The following ROR1 variants were observed in gnomAD, a reference collection of about 807,000 sequenced individuals.
ROR1 encodes the protein inactive tyrosine-protein kinase transmembrane receptor ROR1.
A neutral mutation model predicts 78.8 loss-of-function variants in ROR1; 19 were observed. The observed-to-expected ratio is 0.24, with a 90% CI of 0.17 to 0.35. The LOEUF (loss-of-function observed/expected upper bound fraction) is 0.35. Ranked by LOEUF, ROR1 falls within the 10% of genes least tolerant of loss-of-function variation. The probability of loss-of-function intolerance (pLI) is 1.00; values close to 1 mark genes in which losing one functional copy is unlikely to be tolerated. For missense variants in ROR1, 917 were observed against 1,177.8 expected (o/e 0.78, Z 3.24); for synonymous variants, 386 against 433.6 (o/e 0.89, Z 1.36).
At chr1:64,056,616 C>T (rs1173255230) in intron 4 of ROR1, among the ~76,000 whole-genome samples, 1 of 148,942 alleles carries the variant, frequency 6.7e-6, no homozygotes, top group Non-Finnish European at 1.5e-5. Context: ...GCAGAGGTTG[C>T]AATGAGCTGA....
chr1:64,171,344 T>C (rs1650234938), intron 8 of ROR1: 2 of 152,712 alleles, frequency 1.3e-5, no homozygotes, highest in African/African-American at 4.8e-5. Flanking sequence ...TCAGATCTCA[T>C]GAGACTTAGT....
At chr1:64,043,742 G>C (rs1185981305) in intron 2 of ROR1, among the ~76,000 whole-genome samples, 1 of 152,172 alleles carries the variant, frequency 6.6e-6, no homozygotes, top group East Asian at 1.9e-4. Flanking sequence ...GCTGTTCAAA[G>C]GCGTGGGTTT....
At chr1:63,904,197 G>T (rs1188091173) in intron 1 of ROR1, among the ~76,000 whole-genome samples, 1 of 152,142 alleles carries the variant, frequency 6.6e-6, no homozygotes, top group East Asian at 1.9e-4. Context: ...TCTGAGTGTT[G>T]TGTGCTTTTT....
intron 4 of ROR1, among the ~76,000 whole-genome samples, chr1:64,088,817 T>C (rs1399840482): frequency 2.0e-5 from 3 of 152,112 alleles, no homozygotes; most frequent in African/African-American, 7.2e-5. Flanking sequence ...CCTCAAGACA[T>C]GAAGGGTTGT....
chr1:63,956,790 C>A (rs1182885522), intron 1 of ROR1, among the ~76,000 whole-genome samples: 1 of 152,142 alleles, frequency 6.6e-6, no homozygotes, highest in African/African-American at 2.4e-5. Context: ...AGAAATAAGT[C>A]TTCTCCCACT....
At chr1:63,978,335 G>C (rs753362701) in intron 1 of ROR1, among the ~76,000 whole-genome samples, 71 of 152,198 alleles carry the variant, frequency 4.7e-4, no homozygotes, top group Non-Finnish European at 9.1e-4. Context: ...GTAAAGTCAT[G>C]GTCATTAAGG....
intron 1 of ROR1, among the ~76,000 whole-genome samples, chr1:63,970,227 C>T (rs2100496142): frequency 6.6e-6 from 1 of 152,266 alleles, no homozygotes; most frequent in African/African-American, 2.4e-5. Context: ...GACCCTGTAC[C>T]TCCTCCATCA....
chr1:63,927,685 C>G (rs1645716605), intron 1 of ROR1, among the ~76,000 whole-genome samples: 1 of 152,118 alleles, frequency 6.6e-6, no homozygotes, highest in Non-Finnish European at 1.5e-5. Context: ...ATTCACACCA[C>G]TAGTAATTGG....
intron 4 of ROR1, chr1:64,112,309 C>T (rs995324280): frequency 6.6e-6 from 1 of 152,064 alleles, no homozygotes; most frequent in African/African-American, 2.4e-5. Context: ...TGATGTTTAT[C>T]AGATCCTCAT....
At chr1:64,101,150 C>T (rs945710412) in intron 4 of ROR1, among the ~76,000 whole-genome samples, 3 of 152,112 alleles carry the variant, frequency 2.0e-5, no homozygotes, top group African/African-American at 7.2e-5. Context: ...CTAAAAAAGC[C>T]GTTGAGCTGC....
chr1:63,982,398 C>A (rs1352333690), intron 1 of ROR1, among the ~76,000 whole-genome samples: 1 of 152,174 alleles, frequency 6.6e-6, no homozygotes, highest in Non-Finnish European at 1.5e-5. Flanking sequence ...TGGTATTATT[C>A]TAATGTATCA....
At chr1:63,922,133 C>T (rs1645660046) in intron 1 of ROR1, among the ~76,000 whole-genome samples, 1 of 152,172 alleles carries the variant, frequency 6.6e-6, no homozygotes, top group African/African-American at 2.4e-5. Flanking sequence ...GCTTGTCCTT[C>T]TTGCACTGAA....
At chr1:63,921,377 C>T (rs867689588) in intron 1 of ROR1, among the ~76,000 whole-genome samples, 1 of 152,210 alleles carries the variant, frequency 6.6e-6, no homozygotes, top group African/African-American at 2.4e-5. Context: ...CAGGTGACCT[C>T]TTGAAGTAGC....
intron 4 of ROR1, among the ~76,000 whole-genome samples, chr1:64,090,458 G>C (rs1647186716): frequency 6.6e-6 from 1 of 152,138 alleles, no homozygotes; most frequent in East Asian, 1.9e-4. Flanking sequence ...GCTCTGCTTA[G>C]TACGTAAGCA....
intron 4 of ROR1, 125 bp from the exon 5 acceptor site, chr1:64,137,244 A>G (rs1237092235): frequency 1.1e-6 from 1 of 905,422 alleles, no homozygotes; most frequent in East Asian, 2.7e-5. Flanking sequence ...TCCTTAGCCC[A>G]GTCTTTTGTA....
At chr1:64,000,213 A>C (rs572688803) in intron 1 of ROR1, among the ~76,000 whole-genome samples, 20 of 152,248 alleles carry the variant, frequency 1.3e-4, no homozygotes, top group African/African-American at 4.8e-4. Flanking sequence ...GAAATAGGAA[A>C]AAAAGAGTAA....
At chr1:63,905,203 T>C (rs1645519061) in intron 1 of ROR1, among the ~76,000 whole-genome samples, 1 of 152,180 alleles carries the variant, frequency 6.6e-6, no homozygotes, top group Non-Finnish European at 1.5e-5. Flanking sequence ...CTGGATTCAA[T>C]AGTGCAGTTG....
chr1:64,125,033 G>A (rs1648663700), intron 4 of ROR1, among the ~76,000 whole-genome samples: 2 of 152,130 alleles, frequency 1.3e-5, no homozygotes, highest in Admixed American at 6.5e-5. Context: ...GAGTTACTAG[G>A]AGTCATTCTA....
chr1:63,883,576 A>C (rs909666210), intron 1 of ROR1, among the ~76,000 whole-genome samples: 2 of 152,184 alleles, frequency 1.3e-5, no homozygotes, highest in Non-Finnish European at 2.9e-5. Flanking sequence ...GCTTTTGTTA[A>C]AACCTGTGTT....
Sources: allele counts gnomAD v4.1 joint callset (sites outside exome capture counted in the v4.1 genomes callset), GRCh38; gene constraint gnomAD v4.1.1; transcripts MANE v1.5; gene names NCBI Gene and HGNC (gene_info 2026-07-23, HGNC 2026-07-21).